Variants in PLXDC2 observed in about 807,000 individuals in gnomAD.
PLXDC2 encodes plexin domain containing 2.
In PLXDC2, 40 loss-of-function variants were observed where a neutral mutation model predicts 68.9. The ratio of observed to expected loss-of-function variants is 0.58; its 90% CI spans 0.45 to 0.76. PLXDC2 has a LOEUF of 0.76. Ranked by LOEUF, PLXDC2 falls within the 30% of genes least tolerant of loss-of-function variation. The probability of loss-of-function intolerance (pLI) is 0.00; values close to 1 mark genes in which losing one functional copy is unlikely to be tolerated. For missense variants in PLXDC2, 644 were observed against 661.9 expected (o/e 0.97, Z 0.30); for synonymous variants, 243 against 234.2 (o/e 1.04, Z -0.34).
At chr10:20,202,115 G>A (rs1298583497) in intron 9 of PLXDC2, among the ~76,000 whole-genome samples, 1 of 152,118 alleles carries the variant, frequency 6.6e-6, no homozygotes, top group African/African-American at 2.4e-5. Context: ...TGGGTGACAA[G>A]CAGCATTTTT....
intron 1 of PLXDC2, among the ~76,000 whole-genome samples, chr10:19,966,191 G>C (rs575206638): frequency 7.1e-6 from 1 of 139,920 alleles, no homozygotes; most frequent in Non-Finnish European, 1.5e-5. Context: ...TAGTATATAT[G>C]TACTCATGCA....
intron 13 of PLXDC2, among the ~76,000 whole-genome samples, chr10:20,275,205 T>C (rs1280393199): frequency 1.3e-5 from 2 of 152,084 alleles, no homozygotes; most frequent in East Asian, 3.9e-4. Context: ...AATATTTTTT[T>C]TTCTACTGGC....
rs889373738 is a variant in PLXDC2, at chr10:20,007,835, G to C, written c.324+5849G>C. Among the ~76,000 whole-genome samples the C allele has an allele frequency of 4.6e-5, 7 of 152,198 alleles. 1 individual carries two copies. In the South Asian group the frequency reaches 1.4e-3, roughly 31 times the overall value. ...ATTAGTTTTGAGAGCAGAAATCTTAGCTTAAATTTAGGTGCCTGCCAACAG... is the reference window on the plus strand; with the variant it reads ...ATTAGTTTTGAGAGCAGAAATCTTACCTTAAATTTAGGTGCCTGCCAACAG... On this transcript the variant is annotated intron_variant, in intron 2 of 13. Coordinates refer to ENST00000377252, the MANE Select transcript of PLXDC2 (RefSeq NM_032812.9).
chr10:19,859,045 A>C (rs1447503925), intron 1 of PLXDC2, among the ~76,000 whole-genome samples: 1 of 148,794 alleles, frequency 6.7e-6, no homozygotes, highest in Admixed American at 6.6e-5. Flanking sequence ...AGAGAGAGAG[A>C]GAGCGAGGGA....
chr10:20,060,784 A>G (rs1419522483), intron 3 of PLXDC2, among the ~76,000 whole-genome samples: 3 of 152,214 alleles, frequency 2.0e-5, no homozygotes, highest in African/African-American at 7.2e-5. Context: ...ACTAAGAGCA[A>G]AAAACTGACA....
intron 1 of PLXDC2, among the ~76,000 whole-genome samples, chr10:19,911,192 T>C (rs749475597): frequency 2.6e-5 from 4 of 151,786 alleles, no homozygotes; most frequent in African/African-American, 4.8e-5. Flanking sequence ...GTACAGATTA[T>C]CTAGTGTGTA....
At chr10:19,970,439 C>T (rs1215737032) in intron 1 of PLXDC2, among the ~76,000 whole-genome samples, 1 of 152,134 alleles carries the variant, frequency 6.6e-6, no homozygotes, top group Non-Finnish European at 1.5e-5. Flanking sequence ...ACAGTGAATG[C>T]CTTCCTGTGT....
chr10:19,859,705 T>A (rs2131333676), intron 1 of PLXDC2, among the ~76,000 whole-genome samples: 1 of 152,206 alleles, frequency 6.6e-6, no homozygotes, highest in Non-Finnish European at 1.5e-5. Context: ...TTTTTAAGAT[T>A]CAGAGTCCTA....
chr10:20,165,356 C>T (rs1834360503), intron 7 of PLXDC2, among the ~76,000 whole-genome samples: 1 of 151,918 alleles, frequency 6.6e-6, no homozygotes, highest in Admixed American at 6.6e-5. Flanking sequence ...ATACATGGTG[C>T]CACGCTGGTG....
At chr10:20,143,568 A>G in intron 5 of PLXDC2, 151 bp downstream of exon 5, 1 of 942,332 alleles carries the variant, frequency 1.1e-6, no homozygotes, top group Non-Finnish European at 1.6e-6. Flanking sequence ...TACTGCTAAG[A>G]TTTATAAAGT....
chr10:19,907,966 C>G (rs1189642735), intron 1 of PLXDC2, among the ~76,000 whole-genome samples: 1 of 152,142 alleles, frequency 6.6e-6, no homozygotes, highest in South Asian at 2.1e-4. Flanking sequence ...GAATCTCATG[C>G]TTCAAAATCT....
At chr10:19,828,993 T>C (rs1179518659) in intron 1 of PLXDC2, among the ~76,000 whole-genome samples, 2 of 152,178 alleles carry the variant, frequency 1.3e-5, no homozygotes, top group Admixed American at 6.6e-5. Flanking sequence ...TTGGAACCAC[T>C]CCTGTGCCTT....
chr10:20,181,380 A>G lies in PLXDC2; in HGVS notation c.1061+3971A>G, dbSNP rs533631735. The stretch of plus-strand genomic sequence containing the variant: ...AGTTTTAATCAAAACCATAACTCTC[A>G]TGGAGTTTGGAGTTTAGCTTAGTAA... On this transcript the variant is annotated intron_variant, in intron 9 of 13. Coordinates refer to ENST00000377252, the MANE Select transcript of PLXDC2 (RefSeq NM_032812.9). Among the ~76,000 whole-genome samples, 14 of 152,214 alleles carry G rather than the reference A, an allele frequency of 9.2e-5. No individual in the cohort carries two copies. In the East Asian group the frequency reaches 2.5e-3, roughly 27 times the overall value.
At chr10:19,900,621 C>G (rs1838142505) in intron 1 of PLXDC2, among the ~76,000 whole-genome samples, 1 of 151,698 alleles carries the variant, frequency 6.6e-6, no homozygotes, top group Admixed American at 6.6e-5. Context: ...ATTTATTATT[C>G]AATAGGTTTT....
intron 1 of PLXDC2, among the ~76,000 whole-genome samples, chr10:19,934,653 A>G (rs1833693842): frequency 6.6e-6 from 1 of 152,240 alleles, no homozygotes; most frequent in Non-Finnish European, 1.5e-5. Context: ...TTATGGGCAT[A>G]GCTTCTACTT....
chr10:19,983,805 T>C (rs939548087), intron 1 of PLXDC2, among the ~76,000 whole-genome samples: 8 of 152,178 alleles, frequency 5.3e-5, no homozygotes, highest in Admixed American at 2.6e-4. Context: ...AGGCCCACCT[T>C]GGACCTCCCG....
intron 13 of PLXDC2, among the ~76,000 whole-genome samples, chr10:20,256,673 T>A (rs979852660): frequency 6.6e-6 from 1 of 152,094 alleles, no homozygotes; most frequent in African/African-American, 2.4e-5. Context: ...TTCCTTTTTT[T>A]TTTTCTCAGT....
intron 1 of PLXDC2, among the ~76,000 whole-genome samples, chr10:19,845,446 A>C (rs1331308843): frequency 2.0e-5 from 3 of 152,162 alleles, no homozygotes; most frequent in Admixed American, 6.5e-5. Context: ...TGTTAATGAT[A>C]GAGCAAGGCC....
chr10:20,045,904 G>A (rs190928765), intron 2 of PLXDC2, among the ~76,000 whole-genome samples: 16 of 152,010 alleles, frequency 1.1e-4, no homozygotes, highest in Admixed American at 9.8e-4. Context: ...TAATTTTTCT[G>A]GATATTTCTC....
Sources: allele counts gnomAD v4.1 joint callset (sites outside exome capture counted in the v4.1 genomes callset), GRCh38; gene constraint gnomAD v4.1.1; transcripts MANE v1.5; gene names NCBI Gene and HGNC (gene_info 2026-07-23, HGNC 2026-07-21).